The following GOLGA3 variants were observed in gnomAD, a reference collection of about 807,000 sequenced individuals.
GOLGA3 encodes golgin subfamily A member 3.
GOLGA3 carries 75 observed loss-of-function variants against 169.4 expected under a neutral mutation model. The observed-to-expected ratio is 0.44, with a 90% confidence interval of 0.37 to 0.54. GOLGA3 has a LOEUF of 0.54. GOLGA3 is among the 20% of genes least tolerant of loss of function. The probability of loss-of-function intolerance (pLI) is 0.00; values close to 1 mark genes in which losing one functional copy is unlikely to be tolerated. For synonymous variants in GOLGA3, 824 were observed against 822.4 expected (o/e 1.00, Z -0.03); for missense variants, 1,899 against 1,930.0 (o/e 0.98, Z 0.30).
chr12:132,788,688 C>T (rs974293033), intron 13 of GOLGA3, among the ~76,000 whole-genome samples: 19 of 152,326 alleles, frequency 1.2e-4, no homozygotes, highest in African/African-American at 2.6e-4. Flanking sequence ...GCATGACAGC[C>T]GCTGTCCTCT....
At chr12:132,790,442 C>G (rs181030079) in intron 12 of GOLGA3, among the ~76,000 whole-genome samples, 1 of 152,302 alleles carries the variant, frequency 6.6e-6, no homozygotes, top group East Asian at 1.9e-4. Flanking sequence ...CGGGGTCACC[C>G]TTGCTCAGAT....
intron 18 of GOLGA3, among the ~76,000 whole-genome samples, chr12:132,780,341 G>A (rs1036674411): frequency 1.3e-5 from 2 of 152,202 alleles, no homozygotes; most frequent in Non-Finnish European, 2.9e-5. Flanking sequence ...CAGGGCACCT[G>A]GGGGTCAGGA....
rs1338758214 is a variant in GOLGA3, at chr12:132,771,085, G to A, written c.*2020C>T. The A allele has an allele frequency of 1.3e-5, 2 of 152,480 alleles. No individual in the cohort carries two copies. The highest frequency in any genetic ancestry group is 6.6e-5 in the Admixed American group (1 of 15,258). 9.4% of individuals were successfully genotyped at this position (152,480 alleles called of 1,614,324 possible). On this transcript the variant is annotated 3_prime_UTR_variant, in exon 24 of 24. Transcript: ENST00000450791. ...ATAAAAAGTAGGATATATTTATAATGAAATTTTCAAGTATTATTTCAAAAT... is the reference window on the plus strand; with the variant it reads ...ATAAAAAGTAGGATATATTTATAATAAAATTTTCAAGTATTATTTCAAAAT...
At chr12:132,820,310 G>C (rs911075741) in intron 2 of GOLGA3, among the ~76,000 whole-genome samples, 1 of 152,200 alleles carries the variant, frequency 6.6e-6, no homozygotes, top group Non-Finnish European at 1.5e-5. Context: ...CTGCACTTCA[G>C]CCTGCTCAAT....
intron 4 of GOLGA3, among the ~76,000 whole-genome samples, 165 bp from the exon 5 acceptor site, chr12:132,808,714 C>T (rs531280578): frequency 2.5e-4 from 38 of 152,342 alleles, no homozygotes; most frequent in Admixed American, 1.4e-3. Flanking sequence ...GGCCTCCGAT[C>T]CGTGGTGGTC....
At position 132,786,171 on chromosome 12, in the gene GOLGA3, G is replaced by A. The variant is rs80310209; in HGVS notation, c.3123+168C>T. Among the ~76,000 whole-genome samples, 970 of 152,000 alleles carry A rather than the reference G, an allele frequency of 6.4e-3. 19 individuals carry two copies. Among genetic ancestry groups the A allele is most frequent in the African/African-American group, 0.022 (918 of 41,470 alleles). On this transcript the variant is annotated intron_variant, in intron 15 of 23. Transcript: ENST00000450791. ...TGAGGGAGACGCGAGGCAATGCTCA[G>A]TCACTGTGGGTTCCTGGTAACCTGG...
At chr12:132,808,643 C>G (rs1161902312) in intron 4 of GOLGA3, 94 bp from the exon 5 acceptor site, 2 of 977,970 alleles carry the variant, frequency 2.0e-6, no homozygotes, top group East Asian at 4.8e-5. Flanking sequence ...GATCACTACT[C>G]CCTCCGCTGA....
intron 8 of GOLGA3, among the ~76,000 whole-genome samples, chr12:132,800,087 T>G (rs1051198653): frequency 2.0e-5 from 3 of 152,218 alleles, no homozygotes; most frequent in African/African-American, 7.2e-5. Flanking sequence ...CGTCTTTAAA[T>G]ACCTCATATA....
At chr12:132,783,335 C>T (rs1162320266) in intron 16 of GOLGA3, among the ~76,000 whole-genome samples, 1 of 152,246 alleles carries the variant, frequency 6.6e-6, no homozygotes, top group East Asian at 1.9e-4. Context: ...TGGCCAAGAG[C>T]CCAGCCTTCT....
intron 3 of GOLGA3, among the ~76,000 whole-genome samples, chr12:132,813,976 G>A (rs1314208638): frequency 1.3e-5 from 2 of 150,754 alleles, no homozygotes; most frequent in African/African-American, 2.4e-5. Flanking sequence ...CACCCGCCTC[G>A]GCCTCCCAAA....
intron 8 of GOLGA3, among the ~76,000 whole-genome samples, chr12:132,798,846 C>A (rs1216381847): frequency 1.3e-5 from 2 of 152,212 alleles, no homozygotes; most frequent in Non-Finnish European, 2.9e-5. Context: ...CTGAACAAAT[C>A]CAGCCAGACA....
intron 10 of GOLGA3, 152 bp downstream of exon 10, chr12:132,796,387 T>TGCAGCA (rs890660448): frequency 9.5e-6 from 11 of 1,158,984 alleles, no homozygotes; most frequent in Non-Finnish European, 1.3e-5. Flanking sequence ...GGGTCAGGTC[T>TGCAGCA]GCAGCAGCAG....
chr12:132,784,292 G>C lies in GOLGA3; in HGVS notation c.3139C>G (p.Leu1047Val), dbSNP rs147677490. ...CTGACAGCCTGCAGCTCCGCCTCCA[G>C]GGCCTGGATCCTTTCCTAAGGGCCA... ...SLALHERIQA[L>V]EAELQAVSHS... is the part of the protein sequence containing the mutation. Residue 1047 changes from leucine (L) to valine (V), a missense_variant, in exon 16 of 24, where the codon CTG becomes GTG. Transcript: ENST00000450791. The C allele has an allele frequency of 7.5e-4, 1,208 of 1,608,554 alleles. 8 individuals carry two copies. In the African/African-American group the frequency reaches 0.014, roughly 19 times the overall value.
chr12:132,773,115 G>A lies in GOLGA3; in HGVS notation c.4487C>T (p.Pro1496Leu), dbSNP rs755567339. 47 of 1,580,302 alleles carry A rather than the reference G, an allele frequency of 3.0e-5. No homozygotes were observed. In the East Asian group the frequency reaches 6.3e-4, roughly 21 times the overall value. ...GCGAGTCCACAGCAGTCACTCTCCC[G>A]GCCCTTCTTTGGAAGCCCTGCTCTG... ...HSQSRASKEG[P>L]GE The change falls in exon 24 of 24, where the codon CCG becomes CTG. Residue 1496 changes from proline (P) to leucine (L), a missense_variant. Transcript: ENST00000450791.
intron 3 of GOLGA3, among the ~76,000 whole-genome samples, chr12:132,815,828 G>A (rs1224165096): frequency 6.6e-6 from 1 of 152,210 alleles, no homozygotes; most frequent in Non-Finnish European, 1.5e-5. Context: ...GAACCTGGGA[G>A]GCAGAGGCTG....
intron 17 of GOLGA3, 38 bp from the exon 18 acceptor site, chr12:132,780,952 T>G (rs753903405): frequency 6.7e-7 from 1 of 1,484,614 alleles, no homozygotes; most frequent in Non-Finnish European, 9.3e-7. Context: ...AGGAAGGACG[T>G]CGAATTACAA....
intron 6 of GOLGA3, among the ~76,000 whole-genome samples, 189 bp from the exon 7 acceptor site, chr12:132,805,211 C>T (rs1268271993): frequency 6.0e-5 from 8 of 132,240 alleles, no homozygotes; most frequent in African/African-American, 2.0e-4. Context: ...GACAGGGGAC[C>T]CCAAGACCCC....
At chr12:132,779,815 GCA>G (rs1234174730) in intron 18 of GOLGA3, among the ~76,000 whole-genome samples, 18 of 104,874 alleles carry the variant, frequency 1.7e-4, no homozygotes, top group Admixed American at 5.3e-4. Flanking sequence ...ACACGTGTGT[GCA>G]CACACACCAC....
chr12:132,814,227 T>C (rs1334814451), intron 3 of GOLGA3, among the ~76,000 whole-genome samples: 1 of 151,842 alleles, frequency 6.6e-6, no homozygotes, highest in Non-Finnish European at 1.5e-5. Flanking sequence ...TTTCTCCATG[T>C]TGGTCAGGCT....
Sources: gnomAD v4.1 joint callset for allele counts (sites outside exome capture counted in the v4.1 genomes callset) on GRCh38, gnomAD v4.1.1 for gene constraint, MANE v1.5 for transcripts, NCBI Gene and HGNC (gene_info 2026-07-23, HGNC 2026-07-21) for gene names.